Variants in DRC11 observed in about 807,000 individuals in gnomAD.
DRC11 encodes the protein IQ and AAA domain-containing protein 1.
At chr2:236,425,658 T>C in the DRC11 span, among the ~76,000 whole-genome samples, 2 of 152,020 alleles carry the variant, frequency 1.3e-5, no homozygotes, top group Non-Finnish European at 2.9e-5. Flanking sequence ...ATTTACCTGT[T>C]TTTACTTTTG....
chr2:236,336,809 G>A, the DRC11 span, among the ~76,000 whole-genome samples: 3 of 152,238 alleles, frequency 2.0e-5, no homozygotes, highest in Non-Finnish European at 2.9e-5. This position sits in a 1 kb window ranked among gnomAD's most constrained non-coding sequence, Gnocchi z 7.3. Flanking sequence ...GCCCCGCCAC[G>A]AGCCACCCCT....
At chr2:236,347,813 C>T in the DRC11 span, among the ~76,000 whole-genome samples, 1 of 151,472 alleles carries the variant, frequency 6.6e-6, no homozygotes, top group Non-Finnish European at 1.5e-5. Flanking sequence ...AAAGAACTTA[C>T]TCATGTAACC....
the DRC11 span, among the ~76,000 whole-genome samples, chr2:236,492,659 G>A: frequency 6.6e-6 from 1 of 152,236 alleles, no homozygotes; most frequent in African/African-American, 2.4e-5. Context: ...CCAGCCAGAA[G>A]GGTGAGGCAG....
the DRC11 span, among the ~76,000 whole-genome samples, chr2:236,402,157 G>T: frequency 6.6e-6 from 1 of 152,162 alleles, no homozygotes; most frequent in Non-Finnish European, 1.5e-5. This position sits in a 1 kb window ranked among gnomAD's most constrained non-coding sequence, Gnocchi z 6.0. Flanking sequence ...ACAGTGCTGG[G>T]TTACACCCTG....
At chr2:236,354,855 T>A in the DRC11 span, among the ~76,000 whole-genome samples, 1 of 151,892 alleles carries the variant, frequency 6.6e-6, no homozygotes, top group Non-Finnish European at 1.5e-5. Context: ...ACAGGTGGAG[T>A]GGGACATGTA....
At chr2:236,366,975 A>ATTTTTTTTTTT in the DRC11 span, among the ~76,000 whole-genome samples, 1 of 127,392 alleles carries the variant, frequency 7.8e-6, no homozygotes, top group Non-Finnish European at 1.6e-5. Flanking sequence ...ACACCCGGCT[A>ATTTTTTTTTTT]TTTTTTTTTT....
At chr2:236,383,218 G>A in the DRC11 span, among the ~76,000 whole-genome samples, 1 of 152,068 alleles carries the variant, frequency 6.6e-6, no homozygotes, top group Non-Finnish European at 1.5e-5. Flanking sequence ...TTTCTTCTAG[G>A]TTGTCCAACT....
At chr2:236,424,011 T>C in the DRC11 span, among the ~76,000 whole-genome samples, 1 of 127,598 alleles carries the variant, frequency 7.8e-6, no homozygotes, top group Non-Finnish European at 1.5e-5. Context: ...TGAGAACACA[T>C]GGACACAGGA....
chr2:236,486,421 G>A, the DRC11 span, among the ~76,000 whole-genome samples: 1 of 151,838 alleles, frequency 6.6e-6, no homozygotes, highest in African/African-American at 2.4e-5. This position sits in a 1 kb window ranked among gnomAD's most constrained non-coding sequence, Gnocchi z 5.7. Flanking sequence ...TGTGACAATA[G>A]ATAACTAATC....
At chr2:236,442,997 C>T in the DRC11 span, among the ~76,000 whole-genome samples, 4 of 152,212 alleles carry the variant, frequency 2.6e-5, 1 homozygote, top group South Asian at 8.3e-4. Flanking sequence ...GCCTTAACCC[C>T]CTCACAGGTG....
At chr2:236,353,014 C>T in the DRC11 span, among the ~76,000 whole-genome samples, 3 of 152,178 alleles carry the variant, frequency 2.0e-5, no homozygotes, top group African/African-American at 7.2e-5. The surrounding 1 kb of genome is among the most constrained non-coding windows in gnomAD (Gnocchi z 5.0). Context: ...TAAATGAGGG[C>T]TCTGGCTCTC....
chr2:236,374,382 A>C, the DRC11 span, among the ~76,000 whole-genome samples: 6 of 152,186 alleles, frequency 3.9e-5, no homozygotes, highest in African/African-American at 9.7e-5. Context: ...ATTTTGGTGG[A>C]TATTTGACTA....
chr2:236,443,365 C>T, the DRC11 span, among the ~76,000 whole-genome samples: 1 of 152,102 alleles, frequency 6.6e-6, no homozygotes, highest in African/African-American at 2.4e-5. This position sits in a 1 kb window ranked among gnomAD's most constrained non-coding sequence, Gnocchi z 4.4. Context: ...CAGGCCCTCC[C>T]CATGTGTCCA....
At chr2:236,495,124 C>T in the DRC11 span, among the ~76,000 whole-genome samples, 1 of 152,128 alleles carries the variant, frequency 6.6e-6, no homozygotes, top group Non-Finnish European at 1.5e-5. The surrounding 1 kb of genome is among the most constrained non-coding windows in gnomAD (Gnocchi z 5.6). Flanking sequence ...AGGTGGATCA[C>T]CTGAGGTCAG....
At chr2:236,419,263 C>T in the DRC11 span, 1 of 1,529,502 alleles carries the variant, frequency 6.5e-7, no homozygotes. The surrounding 1 kb of genome is among the most constrained non-coding windows in gnomAD (Gnocchi z 4.8). Flanking sequence ...CTATGATATC[C>T]TCAATAACCT....
chr2:236,444,636 T>C, the DRC11 span, among the ~76,000 whole-genome samples: 554 of 152,298 alleles, frequency 3.6e-3, 3 homozygotes, highest in African/African-American at 0.012. Flanking sequence ...TTCCGGATAC[T>C]TTCTGACACT....
the DRC11 span, among the ~76,000 whole-genome samples, chr2:236,357,318 TTA>T: frequency 5.6e-4 from 64 of 115,170 alleles, no homozygotes; most frequent in Admixed American, 8.8e-4. Context: ...GATCTATATA[TTA>T]TATATATTCA....
the DRC11 span, among the ~76,000 whole-genome samples, chr2:236,311,597 C>G: frequency 6.6e-6 from 1 of 152,116 alleles, no homozygotes; most frequent in Non-Finnish European, 1.5e-5. This position sits in a 1 kb window ranked among gnomAD's most constrained non-coding sequence, Gnocchi z 6.9. Context: ...CCCAGTGAAG[C>G]AGTTATCGGG....
the DRC11 span, among the ~76,000 whole-genome samples, chr2:236,356,649 C>A: frequency 2.0e-5 from 3 of 151,906 alleles, no homozygotes; most frequent in East Asian, 3.9e-4. Context: ...AGCTTTCATG[C>A]AATTAAAAGA....
Sources: allele counts gnomAD v4.1 joint callset (sites outside exome capture counted in the v4.1 genomes callset), GRCh38; gene constraint gnomAD v4.1.1; non-coding constraint Gnocchi (gnomAD v3.1); transcripts MANE v1.5; gene names NCBI Gene and HGNC (gene_info 2026-07-23, HGNC 2026-07-21).